Variants in BEND3 observed in about 807,000 individuals in gnomAD.
BEND3 encodes BEN domain-containing protein 3.
A neutral mutation model predicts 60.1 loss-of-function variants in BEND3; 13 were observed. The ratio of observed to expected loss-of-function variants is 0.22; its 90% CI spans 0.14 to 0.34. BEND3 has a LOEUF of 0.34. Ranked by LOEUF, BEND3 falls within the 10% of genes least tolerant of loss-of-function variation. The pLI is 1.00. For synonymous variants in BEND3, 497 were observed against 491.5 expected, an observed-to-expected ratio of 1.01 and a Z score of -0.15; for missense variants, 896 against 1,138.1, an observed-to-expected ratio of 0.79 and a Z score of 3.06.
chr6:107,090,591 C>T (rs1214031401), intron 3 of BEND3, among the ~76,000 whole-genome samples: 1 of 151,972 alleles, frequency 6.6e-6, no homozygotes, highest in Non-Finnish European at 1.5e-5. Context: ...TGTGCACGCG[C>T]GTGTGCACGC....
At chr6:107,106,902 C>T (rs1775826953) in intron 1 of BEND3, among the ~76,000 whole-genome samples, 1 of 151,928 alleles carries the variant, frequency 6.6e-6, no homozygotes, top group Admixed American at 6.6e-5. Context: ...GCCACCACAC[C>T]TGACCCTTAA....
chr6:107,107,424 CTT>C (rs34112086), intron 1 of BEND3, among the ~76,000 whole-genome samples: 2 of 147,018 alleles, frequency 1.4e-5, no homozygotes, highest in Non-Finnish European at 1.5e-5. Context: ...TATAAAGCTT[CTT>C]TTTTTTTTTT....
In BEND3 at chr6:107,069,309, C is replaced by A; in HGVS notation, c.1882G>T (p.Asp628Tyr). 2 of 1,613,298 alleles carry A rather than the reference C, an allele frequency of 1.2e-6. No individual in the cohort carries two copies. Among genetic ancestry groups the A allele is most frequent in the South Asian group, 2.2e-5 (2 of 90,952 alleles). ...VQLLYPRAKN[D>Y]RVWTLEFVGK... is the part of the protein sequence containing the mutation. ...ACGAACTCCAGGGTCCAGACGCGGT[C>A]GTTTTTGGCGCGTGGGTAGAGCAGC... Residue 628 changes from aspartate to tyrosine, a missense_variant, in exon 4 of 4, where the codon GAC (aspartate) becomes TAC (tyrosine). By Grantham distance (160) the Asp-to-Tyr change is radical. Transcript: ENST00000369042.
intron 3 of BEND3, 113 bp downstream of exon 3, chr6:107,098,438 C>T: frequency 9.2e-7 from 1 of 1,081,436 alleles, no homozygotes; most frequent in Non-Finnish European, 1.3e-6. Flanking sequence ...ATGAAACCTT[C>T]CCATGCCCAA....
rs143857642 is a variant in BEND3, at chr6:107,098,640, G to A, written c.151C>T (p.Leu51=). ...TGCTTTCGTTTGCTGGAGTCCTGCA[G>A]GGCAGTGAGGACGCTGTCCACAGAG... The part of the protein sequence containing the change: ...KHSVDSVLTA[L]QDSSKRKQLV... The change falls in exon 3 of 4, where the codon CTG becomes TTG. Residue 51 remains leucine (L), a synonymous_variant. Coordinates refer to ENST00000369042, the MANE Select transcript of BEND3 (RefSeq NM_001367314.1). 20 of 1,613,908 alleles carry A rather than the reference G, an allele frequency of 1.2e-5. No individual in the cohort carries two copies. The highest frequency in any genetic ancestry group is 1.4e-5 in the Non-Finnish European group (16 of 1,180,044).
At chr6:107,110,527 A>G (rs1775919472) in intron 1 of BEND3, among the ~76,000 whole-genome samples, 1 of 152,140 alleles carries the variant, frequency 6.6e-6, no homozygotes, top group South Asian at 2.1e-4. Flanking sequence ...AAGCACCAAA[A>G]AAATCAGTTT....
rs1774832381 is a variant in BEND3 at position 107,066,499 on chromosome 6, G to A, written c.*2205C>T. 6.6e-6 allele frequency: 1 copy of A among 152,618 alleles called. No individual in the cohort carries two copies. Among genetic ancestry groups the A allele is most frequent in the South Asian group, 2.1e-4 (1 of 4,832 alleles). 9.5% of individuals were successfully genotyped at this position (152,618 alleles called of 1,614,324 possible). On this transcript the variant is annotated 3_prime_UTR_variant, in exon 4 of 4. Transcript: ENST00000369042. The stretch of plus-strand genomic sequence containing the variant: ...TTGAACATGCTCTGGGTTACAAAGA[G>A]ACATATTTAATTCCTAGAACCTGTT...
chr6:107,098,658 CCA>C lies in BEND3; in HGVS notation c.131_132del (p.Val44GlyfsTer46). On this transcript the variant is annotated frameshift_variant, in exon 3 of 4. Transcript: ENST00000369042. LOFTEE classifies it high-confidence loss of function. ...TCCTGCAGGGCAGTGAGGACGCTGTCCACAGAGTGCTTCTCAGAAGTCCTGGA... is the reference window on the plus strand; with the variant it reads ...TCCTGCAGGGCAGTGAGGACGCTGTCCAGAGTGCTTCTCAGAAGTCCTGGA... ...VNSRTSEKHS[V>X]DSVLTALQDS... 2 of 1,614,044 alleles carry C rather than the reference CCA, an allele frequency of 1.2e-6. No individual in the cohort carries two copies. Among genetic ancestry groups the C allele is most frequent in the Non-Finnish European group, 1.7e-6 (2 of 1,180,016 alleles).
intron 3 of BEND3, 47 bp downstream of exon 3, chr6:107,098,504 G>C: frequency 7.0e-6 from 11 of 1,582,432 alleles, no homozygotes; most frequent in East Asian, 2.2e-5. Flanking sequence ...CATGGAATCA[G>C]AGAGGGTTAG....
At chr6:107,096,461 A>T (rs1775587100) in intron 3 of BEND3, among the ~76,000 whole-genome samples, 1 of 151,884 alleles carries the variant, frequency 6.6e-6, no homozygotes, top group Admixed American at 6.6e-5. Flanking sequence ...AAAATACAAA[A>T]ATTAGCCAGG....
chr6:107,087,323 A>C (rs1554234446), intron 3 of BEND3, among the ~76,000 whole-genome samples: 1 of 151,096 alleles, frequency 6.6e-6, no homozygotes. Context: ...CAACTCAAAA[A>C]AGAAAAGAAA....
At chr6:107,099,019 A>G (rs983636123) in intron 2 of BEND3, among the ~76,000 whole-genome samples, 1 of 152,160 alleles carries the variant, frequency 6.6e-6, no homozygotes, top group African/African-American at 2.4e-5. Context: ...GTGGAAGGAG[A>G]GACATAAAAT....
chr6:107,108,986 A>T (rs1268361895), intron 1 of BEND3, among the ~76,000 whole-genome samples: 1 of 151,970 alleles, frequency 6.6e-6, no homozygotes, highest in East Asian at 2.0e-4. Flanking sequence ...TGTATTTTTC[A>T]CTAGAGATGG....
In BEND3 at chr6:107,068,496, G is replaced by C. The variant is rs961242113; in HGVS notation, c.*208C>G. ...CTGCCCCGCCGGGGCACATAGGACA[G>C]AAGTTGTAAGTACAAGAGACCAAAC... is the stretch of plus-strand genomic sequence containing the variant. On this transcript the variant is annotated 3_prime_UTR_variant, in exon 4 of 4. Coordinates refer to ENST00000369042, the MANE Select transcript of BEND3 (RefSeq NM_001367314.1). The surrounding 1 kb of genome is among the most constrained non-coding windows in gnomAD (Gnocchi z 5.8). 25 of 599,894 alleles carry C rather than the reference G, an allele frequency of 4.2e-5. No individual in the cohort carries two copies. Among genetic ancestry groups the C allele is most frequent in the Admixed American group, 3.3e-4 (10 of 30,396 alleles). The allele number at this position is 599,894 out of a possible 1,614,324, so 37.2% of individuals were successfully genotyped here. A position where few individuals can be genotyped will look rare whatever the true frequency, so the allele number is the denominator to read the frequency against.
At chr6:107,103,677 G>A (rs942572806) in intron 1 of BEND3, among the ~76,000 whole-genome samples, 12 of 150,448 alleles carry the variant, frequency 8.0e-5, no homozygotes, top group South Asian at 2.1e-4. Context: ...GGCCAGGCAC[G>A]GTGGCACACG....
At position 107,070,926 on chromosome 6, in the gene BEND3, G is replaced by A. The variant is rs138113235; in HGVS notation, c.265C>T (p.Arg89Cys). ...PEALLAGMRN[R>C]ENSSPCQGNG... is the part of the protein sequence containing the mutation. ...CCTTGGCAGGGCGAGCTGTTCTCAC[G>A]GTTCCGCATGCCTGCTAGGAGAGCC... Residue 89 changes from arginine (R) to cysteine (C), a missense_variant, in exon 4 of 4, where the codon CGT becomes TGT. Around this residue, in one of 4 missense-constraint regions of BEND3, gnomAD observed 846 missense variants for 1,036.7 expected, o/e 0.82. Coordinates refer to ENST00000369042, the MANE Select transcript of BEND3 (RefSeq NM_001367314.1). This position sits in a 1 kb window ranked among gnomAD's most constrained non-coding sequence, Gnocchi z 6.9. 35 of 1,611,834 alleles carry A rather than the reference G, an allele frequency of 2.2e-5. No homozygotes were observed. The highest frequency in any genetic ancestry group is 1.5e-4 in the Admixed American group (9 of 59,608).
At chr6:107,084,628 G>C (rs1195707138) in intron 3 of BEND3, among the ~76,000 whole-genome samples, 2 of 151,320 alleles carry the variant, frequency 1.3e-5, no homozygotes, top group East Asian at 3.9e-4. Context: ...TCAGCACTCT[G>C]TGTCTAGCTA....
At chr6:107,112,878 G>C (rs1311179291) in intron 1 of BEND3, among the ~76,000 whole-genome samples, 2 of 151,708 alleles carry the variant, frequency 1.3e-5, no homozygotes, top group African/African-American at 4.8e-5. Flanking sequence ...AAAAAGAAAG[G>C]CTGGGCGCGG....
At chr6:107,088,975 G>T (rs1448992064) in intron 3 of BEND3, among the ~76,000 whole-genome samples, 1 of 152,038 alleles carries the variant, frequency 6.6e-6, no homozygotes, top group African/African-American at 2.4e-5. Context: ...GCGAAACCCA[G>T]TCTCTACTAA....
Sources: allele counts gnomAD v4.1 joint callset (sites outside exome capture counted in the v4.1 genomes callset), GRCh38; gene constraint gnomAD v4.1.1; regional missense constraint gnomAD v4.1.1; non-coding constraint Gnocchi (gnomAD v3.1); transcripts MANE v1.5; gene names NCBI Gene and HGNC (gene_info 2026-07-23, HGNC 2026-07-21).